The following CACNA1B variants were observed in gnomAD, a reference collection of about 807,000 sequenced individuals.
The protein encoded by CACNA1B is calcium voltage-gated channel subunit alpha1 B.
A neutral mutation model predicts 247.2 loss-of-function variants in CACNA1B; 70 were observed. The observed-to-expected ratio is 0.28, with a 90% CI of 0.23 to 0.35. The LOEUF (loss-of-function observed/expected upper bound fraction) is 0.35. Among genes scored for constraint, CACNA1B ranks in the 10% least tolerant of loss-of-function variants. The probability of loss-of-function intolerance (pLI) is 1.00; values close to 1 mark genes in which losing one functional copy is unlikely to be tolerated. For missense variants in CACNA1B, 2,367 were observed against 3,197.4 expected (o/e 0.74, Z 6.26); for synonymous variants, 1,231 against 1,294.4 (o/e 0.95, Z 1.05).
chr9:137,984,167 C>A lies in CACNA1B; in HGVS notation c.1686C>A (p.Val562=). ...TCGTGGGGAGCGTCTTTGAAGTGGT[C>A]TGGGCGGCCATCAAGCCGGGAAGCT... is the stretch of plus-strand genomic sequence containing the variant. The part of the protein sequence containing the change: ...GVIVGSVFEV[V]WAAIKPGSSF... Residue 562 remains valine, a synonymous_variant, in exon 13 of 47, where the codon GTC becomes GTA. Coordinates refer to ENST00000371372, the MANE Select transcript of CACNA1B (RefSeq NM_000718.4). 6.2e-7 allele frequency: 1 copy of A among 1,602,622 alleles called. No homozygotes were observed. Among genetic ancestry groups the A allele is most frequent in the Non-Finnish European group, 8.5e-7 (1 of 1,175,104 alleles).
Position 138,078,110 on chromosome 9 carries a change from T to C in CACNA1B, c.4950-4T>C. The C allele has an allele frequency of 6.2e-7, 1 of 1,613,350 alleles. No individual in the cohort carries two copies. Among genetic ancestry groups the C allele is most frequent in the Non-Finnish European group, 8.5e-7 (1 of 1,179,610 alleles). The stretch of plus-strand genomic sequence containing the variant: ...GGGCCTCACAACTCTGCCCTTCTTC[T>C]CAGGAGCGCCACGGGGGAGGCCTGG... On this transcript the variant is annotated splice_region_variant and splice_polypyrimidine_tract_variant and intron_variant, in intron 35 of 46. Coordinates refer to ENST00000371372, the MANE Select transcript of CACNA1B (RefSeq NM_000718.4).
intron 6 of CACNA1B, among the ~76,000 whole-genome samples, chr9:137,941,979 C>T (rs1391947927): frequency 2.0e-5 from 3 of 152,064 alleles, no homozygotes; most frequent in African/African-American, 7.2e-5. Context: ...AGATAAATAG[C>T]TGGGACTTAA....
rs567635075 is a variant in CACNA1B, at chr9:137,919,092, A to G, written c.966+1661A>G. Among the ~76,000 whole-genome samples, 1 of 152,372 alleles carries G rather than the reference A, an allele frequency of 6.6e-6. No homozygotes were observed. The highest frequency in any genetic ancestry group is 2.4e-5 in the African/African-American group (1 of 41,596). ...CCACTGGGGCTTGGCCAGGGGCCGC[A>G]CATGACTCAGATTCTTCTGCCTGGG... On this transcript the variant is annotated intron_variant, in intron 6 of 46. Transcript: ENST00000371372. The surrounding 1 kb of genome is among the most constrained non-coding windows in gnomAD (Gnocchi z 4.6).
intron 37 of CACNA1B, among the ~76,000 whole-genome samples, chr9:138,097,765 C>T (rs968049010): frequency 3.9e-5 from 6 of 152,206 alleles, no homozygotes; most frequent in Admixed American, 2.0e-4. Context: ...AGGACGTGGT[C>T]AGACCCCTCA....
At chr9:137,970,595 G>A (rs1320949106) in intron 10 of CACNA1B, among the ~76,000 whole-genome samples, 3 of 152,170 alleles carry the variant, frequency 2.0e-5, no homozygotes, top group Non-Finnish European at 2.9e-5. Context: ...GAGGTGAGCC[G>A]AGGGCCCTGT....
chr9:138,099,053 C>G (rs577870346), intron 37 of CACNA1B, among the ~76,000 whole-genome samples: 11 of 152,352 alleles, frequency 7.2e-5, no homozygotes, highest in African/African-American at 2.6e-4. Context: ...TCTATGGCTC[C>G]TCGTTCTTTG....
intron 36 of CACNA1B, among the ~76,000 whole-genome samples, chr9:138,088,231 T>C (rs1483605331): frequency 2.6e-5 from 4 of 151,904 alleles, no homozygotes; most frequent in Non-Finnish European, 4.4e-5. Flanking sequence ...TAGCCAGTTA[T>C]GTTGGCGGGC....
At chr9:138,016,987 GGTGCCC>G (rs1958800925) in intron 18 of CACNA1B, among the ~76,000 whole-genome samples, 1 of 152,254 alleles carries the variant, frequency 6.6e-6, no homozygotes, top group Non-Finnish European at 1.5e-5. Context: ...GGTCTCGGCT[GGTGCCC>G]GTCTGACGGA....
chr9:138,084,565 G>T (rs769765631), intron 36 of CACNA1B, among the ~76,000 whole-genome samples: 5 of 151,242 alleles, frequency 3.3e-5, no homozygotes, highest in Non-Finnish European at 7.4e-5. Flanking sequence ...TTCCCAGCTG[G>T]CACACTAAAA....
At chr9:138,016,007 CACAG>C (rs754784907) in intron 18 of CACNA1B, among the ~76,000 whole-genome samples, 12 of 152,186 alleles carry the variant, frequency 7.9e-5, no homozygotes, top group African/African-American at 2.2e-4. Context: ...CACAAGTACA[CACAG>C]ACACACAGTC....
Position 138,111,340 on chromosome 9 carries a change from G to T in CACNA1B, c.5429-1058G>T, listed in dbSNP as rs376973808. The stretch of plus-strand genomic sequence containing the variant: ...GTAAAAGGAAACACGCTACAGTTGC[G>T]TGTGGCAATGTGTATGACTCTCACA... On this transcript the variant is annotated intron_variant, in intron 39 of 46. Coordinates refer to ENST00000371372, the MANE Select transcript of CACNA1B (RefSeq NM_000718.4). Among the ~76,000 whole-genome samples, 41 of 152,338 alleles carry T rather than the reference G, an allele frequency of 2.7e-4. No individual in the cohort carries two copies. In the East Asian group the frequency reaches 7.5e-3, roughly 28 times the overall value.
Position 137,880,329 on chromosome 9 carries a change from C to T in CACNA1B, c.390+1170C>T, listed in dbSNP as rs1956899790. On this transcript the variant is annotated intron_variant, in intron 2 of 46. Coordinates refer to ENST00000371372, the MANE Select transcript of CACNA1B (RefSeq NM_000718.4). This position sits in a 1 kb window ranked among gnomAD's most constrained non-coding sequence, Gnocchi z 4.8. ...AGGAGCATGGACAGCCCAGCCACAC[C>T]ATGAGGCAGGCGTGAGTCATGGTCC... Among the ~76,000 whole-genome samples, 1 of 152,194 alleles carries T rather than the reference C, an allele frequency of 6.6e-6. No homozygotes were observed. The highest frequency in any genetic ancestry group is 1.5e-5 in the Non-Finnish European group (1 of 68,038).
At position 138,074,002 on chromosome 9, in the gene CACNA1B, C is replaced by T; in HGVS notation, c.4793C>T (p.Ala1598Val). 6.2e-7 allele frequency: 1 copy of T among 1,611,466 alleles called. No homozygotes were observed. The highest frequency in any genetic ancestry group is 8.5e-7 in the Non-Finnish European group (1 of 1,179,580). The change falls in exon 34 of 47, where the codon GCC (alanine) becomes GTC (valine). Residue 1598 changes from alanine (A) to valine (V), a missense_variant and splice_region_variant. Around this residue, in one of 12 missense-constraint regions of CACNA1B, gnomAD observed 436 missense variants for 679.5 expected, o/e 0.64. Transcript: ENST00000371372. The stretch of plus-strand genomic sequence containing the variant: ...GCTGACCGGCCCCTGTCTCCGCAGG[C>T]CCTGCCCTACGTGTGTCTGCTCATT... ...LLWTFVQSFK[A>V]LPYVCLLIAM...
chr9:138,030,652 G>T (rs1323864597), intron 20 of CACNA1B, among the ~76,000 whole-genome samples: 1 of 152,088 alleles, frequency 6.6e-6, no homozygotes, highest in Admixed American at 6.5e-5. Flanking sequence ...AGATTATGTT[G>T]AACTGATATT....
At chr9:138,046,279 G>A (rs569250434) in intron 21 of CACNA1B, among the ~76,000 whole-genome samples, 5 of 152,322 alleles carry the variant, frequency 3.3e-5, no homozygotes, top group African/African-American at 9.6e-5. Flanking sequence ...AAATGGGACT[G>A]GAGCAAAAGG....
chr9:137,933,662 G>A (rs1957632547), intron 6 of CACNA1B, among the ~76,000 whole-genome samples: 1 of 152,210 alleles, frequency 6.6e-6, no homozygotes, highest in Non-Finnish European at 1.5e-5. Context: ...ATTGGGCTGG[G>A]ATCAGGATGG....
chr9:137,991,873 A>C (rs573106131), intron 15 of CACNA1B, among the ~76,000 whole-genome samples: 2 of 152,330 alleles, frequency 1.3e-5, no homozygotes, highest in African/African-American at 4.8e-5. Context: ...ACAGTCTTTT[A>C]CAGGCAAACA....
intron 6 of CACNA1B, among the ~76,000 whole-genome samples, chr9:137,938,821 C>T (rs1957698298): frequency 6.6e-6 from 1 of 152,106 alleles, no homozygotes; most frequent in Admixed American, 6.6e-5. Flanking sequence ...TGCCTGTAAT[C>T]CAGCACTTTG....
intron 21 of CACNA1B, among the ~76,000 whole-genome samples, chr9:138,046,546 C>T (rs1002049535): frequency 1.3e-5 from 2 of 152,260 alleles, no homozygotes; most frequent in South Asian, 2.1e-4. Context: ...CTTTGGACTG[C>T]TGTTGGCTGC....
Sources: allele counts gnomAD v4.1 joint callset (sites outside exome capture counted in the v4.1 genomes callset), GRCh38; gene constraint gnomAD v4.1.1; regional missense constraint gnomAD v4.1.1; non-coding constraint Gnocchi (gnomAD v3.1); transcripts MANE v1.5; gene names NCBI Gene and HGNC (gene_info 2026-07-23, HGNC 2026-07-21).